PCBP3: variants seen among roughly 807,000 people sequenced by gnomAD.
PCBP3 encodes poly(rC) binding protein 3, also known as poly(rC)-binding protein 3.
A neutral mutation model predicts 52.7 loss-of-function variants in PCBP3; 25 were observed. The ratio of observed to expected loss-of-function variants is 0.47; its 90% confidence interval spans 0.35 to 0.66. The LOEUF (loss-of-function observed/expected upper bound fraction) is 0.66, where lower values mean the gene tolerates loss of function less well. PCBP3 is among the 30% of genes least tolerant of loss of function. PCBP3 has a pLI of 0.01. For synonymous variants in PCBP3, 162 were observed against 183.0 expected, an observed-to-expected ratio of 0.89 and a Z score of 0.93; for missense variants, 391 against 490.3, an observed-to-expected ratio of 0.80 and a Z score of 1.91.
chr21:45,801,266 C>A (rs2092292060), intron 4 of PCBP3, among the ~76,000 whole-genome samples: 1 of 152,198 alleles, frequency 6.6e-6, no homozygotes, highest in Admixed American at 6.5e-5. Context: ...GCTAGCCTTG[C>A]CTTAGCTGCT....
intron 13 of PCBP3, among the ~76,000 whole-genome samples, chr21:45,921,087 T>G (rs1005957057): frequency 1.3e-5 from 2 of 152,192 alleles, no homozygotes; most frequent in Admixed American, 6.5e-5. Context: ...GGACAATCAC[T>G]TAATCATTAA....
At chr21:45,701,598 G>A (rs1181581401) in intron 2 of PCBP3, among the ~76,000 whole-genome samples, 1 of 152,156 alleles carries the variant, frequency 6.6e-6, no homozygotes, top group Non-Finnish European at 1.5e-5. Context: ...CTCTTGCTCT[G>A]TTGCCAGGCT....
intron 1 of PCBP3, among the ~76,000 whole-genome samples, chr21:45,659,880 G>T (rs1811875325): frequency 6.6e-6 from 1 of 152,078 alleles, no homozygotes; most frequent in Non-Finnish European, 1.5e-5. Context: ...GTCTGTTCTA[G>T]AGAATGTTCC....
chr21:45,745,891 G>A (rs1309980464), intron 3 of PCBP3, among the ~76,000 whole-genome samples: 7 of 152,004 alleles, frequency 4.6e-5, no homozygotes, highest in Non-Finnish European at 7.4e-5. Context: ...GGCAGACAGC[G>A]CCACACGGTG....
At chr21:45,863,243 C>T (rs919870848) in intron 5 of PCBP3, among the ~76,000 whole-genome samples, 2 of 152,240 alleles carry the variant, frequency 1.3e-5, no homozygotes, top group African/African-American at 2.4e-5. Flanking sequence ...CCTGCAAGAG[C>T]GTCACCAGCC....
intron 4 of PCBP3, among the ~76,000 whole-genome samples, chr21:45,765,888 C>T (rs763528170): frequency 7.2e-5 from 11 of 152,206 alleles, no homozygotes; most frequent in Non-Finnish European, 1.5e-4. Flanking sequence ...TTTGTTCAGT[C>T]TCATAATTGT....
chr21:45,661,957 C>T (rs768808685), intron 1 of PCBP3, among the ~76,000 whole-genome samples: 26 of 151,992 alleles, frequency 1.7e-4, no homozygotes, highest in Non-Finnish European at 3.2e-4. Context: ...AATGCCTGTT[C>T]ATGTTTGCTT....
At chr21:45,873,036 T>C (rs741954) in intron 5 of PCBP3, 107 of 152,086 alleles carry the variant, frequency 7.0e-4, no homozygotes, top group African/African-American at 2.4e-3. Context: ...TGGCACCGAG[T>C]GGCTTTCCTC....
At chr21:45,868,817 C>G (rs1271478389) in intron 5 of PCBP3, among the ~76,000 whole-genome samples, 2 of 152,244 alleles carry the variant, frequency 1.3e-5, no homozygotes, top group Non-Finnish European at 2.9e-5. Context: ...CGTCCTCACC[C>G]AAGCCAGGGC....
chr21:45,893,810 C>T (rs1351632245), intron 5 of PCBP3: 4 of 985,358 alleles, frequency 4.1e-6, no homozygotes, highest in African/African-American at 3.5e-5. Context: ...GAACGGGCTC[C>T]ATTCTGAGAA....
intron 4 of PCBP3, among the ~76,000 whole-genome samples, chr21:45,789,635 C>T (rs1033650909): frequency 2.6e-5 from 4 of 152,122 alleles, no homozygotes; most frequent in Non-Finnish European, 4.4e-5. Context: ...CGGAGCAGAG[C>T]GAGCAAGGGA....
At chr21:45,713,241 C>T (rs1283543122) in intron 2 of PCBP3, among the ~76,000 whole-genome samples, 1 of 152,198 alleles carries the variant, frequency 6.6e-6, no homozygotes, top group Non-Finnish European at 1.5e-5. Flanking sequence ...AGATAAAGCA[C>T]CGCCAGCAAG....
chr21:45,762,779 C>T (rs1055111159), intron 4 of PCBP3: 8 of 152,314 alleles, frequency 5.3e-5, no homozygotes, highest in Non-Finnish European at 8.8e-5. Flanking sequence ...CCACCACGCC[C>T]GGCCTGTGCT....
intron 3 of PCBP3, chr21:45,753,127 C>CAAAAAAA (rs55924687): frequency 1.3e-4 from 6 of 44,766 alleles, no homozygotes; most frequent in Non-Finnish European, 1.9e-4. Flanking sequence ...ACCCCGTCTC[C>CAAAAAAA]AAAAAAAAAA....
rs2092993058 is a variant in PCBP3, at chr21:45,817,234, G to A, written c.-125-32727G>A. Among the ~76,000 whole-genome samples the A allele has an allele frequency of 6.6e-6, 1 of 152,126 alleles. No individual in the cohort carries two copies. Among genetic ancestry groups the A allele is most frequent in the Non-Finnish European group, 1.5e-5 (1 of 68,026 alleles). ...ATCCCTTCCTCTAGAACTTAACGTT[G>A]TCCTCCTCCTAAGGTGTAGCCTTTC... On this transcript the variant is annotated intron_variant, in intron 4 of 17. Transcript: ENST00000681687. The surrounding 1 kb of genome is among the most constrained non-coding windows in gnomAD (Gnocchi z 4.3).
intron 9 of PCBP3, among the ~76,000 whole-genome samples, chr21:45,905,398 C>T (rs2096176695): frequency 6.6e-6 from 1 of 152,226 alleles, no homozygotes; most frequent in Admixed American, 6.5e-5. Context: ...GCCATGGGCC[C>T]TTGGTTAGTT....
At chr21:45,678,318 A>T (rs13051539) in intron 2 of PCBP3, among the ~76,000 whole-genome samples, 68,854 of 150,650 alleles carry the variant, frequency 0.46, 16,199 homozygotes, top group East Asian at 0.78. Flanking sequence ...AAAAAAAAAA[A>T]AATAATAATA....
chr21:45,816,205 T>C (rs1345984698), intron 4 of PCBP3, among the ~76,000 whole-genome samples: 1 of 151,970 alleles, frequency 6.6e-6, no homozygotes, highest in Admixed American at 6.6e-5. Context: ...TCATAAGTAC[T>C]GTACACTTGG....
At chr21:45,891,100 T>C (rs4818808) in intron 5 of PCBP3, among the ~76,000 whole-genome samples, 62,061 of 135,784 alleles carry the variant, frequency 0.46, 17,562 homozygotes, top group African/African-American at 0.69. Flanking sequence ...GAACTTTGTT[T>C]ACTGCTGAAG....
Sources: gnomAD v4.1 joint callset for allele counts (sites outside exome capture counted in the v4.1 genomes callset) on GRCh38, gnomAD v4.1.1 for gene constraint, Gnocchi (gnomAD v3.1) non-coding constraint, MANE v1.5 for transcripts, NCBI Gene and HGNC (gene_info 2026-07-23, HGNC 2026-07-21) for gene names.